STS: variants seen among roughly 807,000 people sequenced by gnomAD.
STS encodes steroid sulfatase, also known as steryl-sulfatase.
Under a neutral mutation model 26.8 loss-of-function variants are expected in STS, and 7 were observed. That is an observed-to-expected ratio of 0.26 (90% CI 0.15 to 0.49). The LOEUF (loss-of-function observed/expected upper bound fraction) is 0.49. Among genes scored for constraint, STS ranks in the 20% least tolerant of loss-of-function variants. The probability of loss-of-function intolerance (pLI) is 0.98; values close to 1 mark genes in which losing one functional copy is unlikely to be tolerated. For synonymous variants in STS, 199 were observed against 189.4 expected (o/e 1.05, Z -0.42); for missense variants, 434 against 465.6 (o/e 0.93, Z 0.63).
chrX:7,157,270 C>T (rs973147060), intron 1 of STS, among the ~76,000 whole-genome samples: 2 of 111,614 alleles, frequency 1.8e-5, no homozygotes, highest in South Asian at 3.8e-4. Context: ...TGCTGCCTGT[C>T]GAGTCTTTGA....
intron 7 of STS, among the ~76,000 whole-genome samples, chrX:7,281,157 T>G (rs1230944317): frequency 9.9e-6 from 1 of 101,493 alleles, no homozygotes; most frequent in Non-Finnish European, 2.0e-5. Flanking sequence ...CAGAGTGAGA[T>G]TCCATCAAAA....
intron 2 of STS, chrX:7,219,488 C>G (rs955903370): frequency 3.7e-5 from 42 of 1,122,601 alleles, no homozygotes; most frequent in Non-Finnish European, 4.7e-5. Flanking sequence ...CAGCAGCTGA[C>G]GGGACCCAGC....
intron 6 of STS, among the ~76,000 whole-genome samples, chrX:7,271,277 ACT>A (rs377412694): frequency 9.0e-6 from 1 of 111,167 alleles, no homozygotes; most frequent in Non-Finnish European, 1.9e-5. Flanking sequence ...ACATAATGTA[ACT>A]CTCTATTTAG....
chrX:7,192,333 G>T (rs1933889698), intron 2 of STS, among the ~76,000 whole-genome samples: 1 of 111,901 alleles, frequency 8.9e-6, no homozygotes, highest in East Asian at 2.8e-4. Context: ...GGAGGCCGAG[G>T]CGGGCAGATC....
At chrX:7,344,696 T>A (rs1928444894) in intron 10 of STS, among the ~76,000 whole-genome samples, 1 of 110,636 alleles carries the variant, frequency 9.0e-6, no homozygotes, top group Non-Finnish European at 1.9e-5. Flanking sequence ...AAAAAGGAGG[T>A]GTAGTCTTGT....
chrX:7,175,545 C>G (rs1453524012), intron 1 of STS, among the ~76,000 whole-genome samples: 1 of 111,351 alleles, frequency 9.0e-6, no homozygotes, highest in Non-Finnish European at 1.9e-5. Flanking sequence ...AGCTTCTCTA[C>G]TCCACCTATA....
intron 8 of STS, among the ~76,000 whole-genome samples, chrX:7,322,363 G>A (rs1176468000): frequency 9.0e-6 from 1 of 111,673 alleles, no homozygotes; most frequent in Non-Finnish European, 1.9e-5. Context: ...GAGGCCTTCA[G>A]AGAAAGCCTG....
At chrX:7,299,435 AAAT>A (rs2147133478) in intron 7 of STS, among the ~76,000 whole-genome samples, 1 of 103,567 alleles carries the variant, frequency 9.7e-6, no homozygotes, top group South Asian at 3.9e-4. Flanking sequence ...GTGTATATAA[AAAT>A]ATATACACAT....
chrX:7,325,117 G>T (rs1253315425), intron 8 of STS, among the ~76,000 whole-genome samples: 1 of 111,804 alleles, frequency 8.9e-6, no homozygotes, highest in Non-Finnish European at 1.9e-5. Flanking sequence ...TGTTCAAGAT[G>T]CCATACAGTG....
intron 8 of STS, among the ~76,000 whole-genome samples, chrX:7,313,896 A>G (rs1926592801): frequency 8.9e-6 from 1 of 112,134 alleles, no homozygotes; most frequent in Non-Finnish European, 1.9e-5. Context: ...AAAGAATGGT[A>G]AAGGCAGTTA....
intron 8 of STS, among the ~76,000 whole-genome samples, chrX:7,315,863 G>A (rs1471433119): frequency 4.5e-5 from 5 of 111,362 alleles, no homozygotes; most frequent in African/African-American, 1.6e-4. Flanking sequence ...GCCTCTCCCA[G>A]CCCACTGACT....
chrX:7,287,511 C>T (rs940789373), intron 7 of STS, among the ~76,000 whole-genome samples: 2 of 110,582 alleles, frequency 1.8e-5, no homozygotes, highest in Admixed American at 9.7e-5. Context: ...TTTACACAAA[C>T]TCTATATGCT....
chrX:7,171,511 T>C (rs1933466406), intron 1 of STS, among the ~76,000 whole-genome samples: 1 of 111,617 alleles, frequency 9.0e-6, no homozygotes, highest in African/African-American at 3.3e-5. Context: ...CTGTTATCCT[T>C]GGGTTTACTG....
intron 10 of STS, among the ~76,000 whole-genome samples, chrX:7,342,639 G>A (rs766696471): frequency 8.9e-6 from 1 of 112,380 alleles, no homozygotes; most frequent in South Asian, 3.7e-4. Context: ...GCAGGAAGCA[G>A]GCAGAACTTA....
intron 8 of STS, among the ~76,000 whole-genome samples, chrX:7,312,729 A>T (rs749644089): frequency 9.0e-5 from 10 of 111,535 alleles, no homozygotes; most frequent in Middle Eastern, 4.6e-3. Flanking sequence ...TCCCGCCATG[A>T]TTTTGAGGCC....
At chrX:7,201,911 A>G (rs1362207269) in intron 2 of STS, among the ~76,000 whole-genome samples, 3 of 110,738 alleles carry the variant, frequency 2.7e-5, no homozygotes, top group Non-Finnish European at 5.7e-5. Context: ...CTGTTTTCTA[A>G]TCCACGATGC....
chrX:7,332,663 C>T (rs758209402), intron 9 of STS, among the ~76,000 whole-genome samples: 45 of 111,052 alleles, frequency 4.1e-4, no homozygotes, highest in Non-Finnish European at 8.1e-4. Flanking sequence ...TCCTTCCTTT[C>T]AGCTTTATTT....
chrX:7,339,290 T>TTC (rs1234428582), intron 10 of STS, among the ~76,000 whole-genome samples: 2 of 111,759 alleles, frequency 1.8e-5, no homozygotes, highest in African/African-American at 6.5e-5. Flanking sequence ...AGGCTGAAGC[T>TTC]GACCTAATGT....
chrX:7,279,309 A>ATGTGTGTG (rs1445992524), intron 7 of STS, among the ~76,000 whole-genome samples: 1 of 34,261 alleles, frequency 2.9e-5, no homozygotes, highest in African/African-American at 9.2e-5. Context: ...ATATATATAT[A>ATGTGTGTG]TATGTGTGTG....
Sources: gnomAD v4.1 joint callset for allele counts (sites outside exome capture counted in the v4.1 genomes callset) on GRCh38, gnomAD v4.1.1 for gene constraint, MANE v1.5 for transcripts, NCBI Gene and HGNC (gene_info 2026-07-23, HGNC 2026-07-21) for gene names.